ADGRL3: variants seen among roughly 807,000 people sequenced by gnomAD.
ADGRL3 encodes calcium-independent alpha-latrotoxin receptor 3.
In ADGRL3, 62 loss-of-function variants were observed where a neutral mutation model predicts 153.5. The observed-to-expected ratio is 0.40, with a 90% CI of 0.33 to 0.50. The LOEUF is 0.50. ADGRL3 is among the 20% of genes least tolerant of loss of function. The pLI is 0.47. For synonymous variants in ADGRL3, 710 were observed against 672.5 expected, an observed-to-expected ratio of 1.06 and a Z score of -0.86; for missense variants, 1,641 against 1,859.4, an observed-to-expected ratio of 0.88 and a Z score of 2.16.
chr4:62,048,666 C>T (rs553566608), intron 25 of ADGRL3, among the ~76,000 whole-genome samples: 82 of 152,136 alleles, frequency 5.4e-4, no homozygotes, highest in African/African-American at 1.8e-3. Flanking sequence ...AAGTGATCCT[C>T]GTGCTTCAGG....
intron 17 of ADGRL3, among the ~76,000 whole-genome samples, chr4:61,950,609 T>G (rs991987326): frequency 6.6e-6 from 1 of 152,124 alleles, no homozygotes; most frequent in African/African-American, 2.4e-5. Flanking sequence ...AGAATTGCAG[T>G]TCAGGGTATA....
chr4:61,905,643 TCAGC>T (rs1666663780), intron 11 of ADGRL3, among the ~76,000 whole-genome samples: 1 of 152,082 alleles, frequency 6.6e-6, no homozygotes, highest in Admixed American at 6.6e-5. Context: ...GCCTATGATC[TCAGC>T]ACTTTGGGAG....
intron 6 of ADGRL3, among the ~76,000 whole-genome samples, chr4:61,728,405 C>T (rs1007435334): frequency 3.3e-5 from 5 of 151,960 alleles, no homozygotes; most frequent in African/African-American, 1.2e-4. Flanking sequence ...GAGGTTAAAG[C>T]TCTTCAAAAA....
intron 5 of ADGRL3, among the ~76,000 whole-genome samples, chr4:61,647,529 A>G (rs1390907759): frequency 1.3e-5 from 2 of 152,096 alleles, no homozygotes; most frequent in African/African-American, 4.8e-5. Context: ...AGGGGGAAAA[A>G]GTATTTTCTT....
chr4:61,683,126 T>G (rs1339915086), intron 6 of ADGRL3, among the ~76,000 whole-genome samples: 2 of 151,234 alleles, frequency 1.3e-5, no homozygotes, highest in African/African-American at 4.9e-5. Context: ...TTTTTTTTTT[T>G]TTTTGAGACA....
chr4:61,347,958 A>G (rs2095958030), intron 1 of ADGRL3, among the ~76,000 whole-genome samples: 2 of 152,128 alleles, frequency 1.3e-5, no homozygotes, highest in African/African-American at 4.8e-5. Context: ...CTCTTAGTGA[A>G]TGATTCCACC....
chr4:61,759,222 G>T (rs140441306), intron 8 of ADGRL3, among the ~76,000 whole-genome samples: 3 of 152,046 alleles, frequency 2.0e-5, no homozygotes, highest in East Asian at 1.9e-4. Context: ...TTGGCCTGCC[G>T]TGCTAGGTTG....
intron 9 of ADGRL3, among the ~76,000 whole-genome samples, chr4:61,889,845 GTA>G (rs1250692862): frequency 2.0e-5 from 3 of 152,194 alleles, no homozygotes; most frequent in African/African-American, 7.2e-5. Context: ...GTGTAACTGT[GTA>G]GTTTGTCATA....
chr4:61,649,542 A>G (rs2094170951), intron 5 of ADGRL3, among the ~76,000 whole-genome samples: 1 of 152,102 alleles, frequency 6.6e-6, no homozygotes, highest in Non-Finnish European at 1.5e-5. Flanking sequence ...TATTTTGTAG[A>G]AGAGTTTAGC....
At chr4:61,213,409 A>G (rs1484290905) in intron 1 of ADGRL3, among the ~76,000 whole-genome samples, 5 of 152,090 alleles carry the variant, frequency 3.3e-5, no homozygotes, top group South Asian at 2.1e-4. Flanking sequence ...TTGATTCCCA[A>G]TCTTTCTTCC....
chr4:61,928,551 C>T (rs1330124777), intron 13 of ADGRL3, among the ~76,000 whole-genome samples: 2 of 152,138 alleles, frequency 1.3e-5, no homozygotes, highest in African/African-American at 4.8e-5. Flanking sequence ...GGTCTTTACA[C>T]ATAATACGTA....
At chr4:61,840,948 A>G (rs1228753076) in intron 9 of ADGRL3, among the ~76,000 whole-genome samples, 1 of 151,994 alleles carries the variant, frequency 6.6e-6, no homozygotes, top group Non-Finnish European at 1.5e-5. Context: ...CTTTTTCTCT[A>G]TTCCAAATCT....
intron 1 of ADGRL3, among the ~76,000 whole-genome samples, chr4:61,306,701 C>T (rs1355121885): frequency 6.6e-6 from 1 of 152,136 alleles, no homozygotes; most frequent in Non-Finnish European, 1.5e-5. Context: ...AATATGCACA[C>T]CTCTTAAGTG....
At chr4:62,048,960 A>G (rs1004421922) in intron 25 of ADGRL3, among the ~76,000 whole-genome samples, 2 of 152,084 alleles carry the variant, frequency 1.3e-5, no homozygotes, top group Non-Finnish European at 2.9e-5. Flanking sequence ...AAATATTTCT[A>G]CTTTTTTATT....
chr4:61,644,654 T>C (rs1385705030), intron 5 of ADGRL3, among the ~76,000 whole-genome samples: 2 of 152,184 alleles, frequency 1.3e-5, no homozygotes, highest in Non-Finnish European at 1.5e-5. Flanking sequence ...TCAGAGATAG[T>C]TTGTTATAAT....
chr4:61,768,634 G>T (rs1314396323), intron 8 of ADGRL3, among the ~76,000 whole-genome samples: 2 of 152,084 alleles, frequency 1.3e-5, no homozygotes, highest in Non-Finnish European at 2.9e-5. Flanking sequence ...GGGTCAAGCG[G>T]CATTGCAGAA....
At chr4:61,290,289 T>C (rs1371760374) in intron 1 of ADGRL3, among the ~76,000 whole-genome samples, 1 of 152,132 alleles carries the variant, frequency 6.6e-6, no homozygotes, top group Non-Finnish European at 1.5e-5. Context: ...CTATTGGACT[T>C]GGCATTCATA....
At chr4:61,785,474 C>T (rs1370554942) in intron 8 of ADGRL3, among the ~76,000 whole-genome samples, 1 of 152,092 alleles carries the variant, frequency 6.6e-6, no homozygotes, top group African/African-American at 2.4e-5. Context: ...TACCTTCTAA[C>T]ATGGAAACAA....
chr4:61,409,663 G>A lies in ADGRL3; in HGVS notation c.-174+26474G>A, dbSNP rs367951118. 2.0e-5 allele frequency among the ~76,000 whole-genome samples: 3 copies of A among 151,284 alleles called. No homozygotes were observed. In the East Asian group the frequency reaches 5.8e-4, roughly 29 times the overall value. On this transcript the variant is annotated intron_variant, in intron 2 of 26. Coordinates refer to ENST00000683033, the MANE Select transcript of ADGRL3 (RefSeq NM_001387552.1). ...TTCATGCATTTTTCACTCTGTTTTA[G>A]CAATATTTTTAAAAATAATACGATC...
Sources: gnomAD v4.1 joint callset for allele counts (sites outside exome capture counted in the v4.1 genomes callset) on GRCh38, gnomAD v4.1.1 for gene constraint, MANE v1.5 for transcripts, NCBI Gene and HGNC (gene_info 2026-07-23, HGNC 2026-07-21) for gene names.